The following DNER variants were observed in gnomAD, a reference collection of about 807,000 sequenced individuals.
The protein encoded by DNER is delta and Notch-like epidermal growth factor-related receptor.
In DNER, 33 loss-of-function variants were observed where a neutral mutation model predicts 78.2. That is an observed-to-expected ratio of 0.42 (90% CI 0.32 to 0.56). The LOEUF (loss-of-function observed/expected upper bound fraction) is 0.56, where lower values mean the gene tolerates loss of function less well. Ranked by LOEUF, DNER falls within the 20% of genes least tolerant of loss-of-function variation. DNER has a pLI of 0.11. For missense variants in DNER, 918 were observed against 975.3 expected, an observed-to-expected ratio of 0.94 and a Z score of 0.78; for synonymous variants, 417 against 384.8, an observed-to-expected ratio of 1.08 and a Z score of -0.98.
chr2:229,363,095 C>T (rs1692252076), intron 12 of DNER, among the ~76,000 whole-genome samples: 1 of 152,174 alleles, frequency 6.6e-6, no homozygotes, highest in Non-Finnish European at 1.5e-5. Context: ...TGGCTTTGCT[C>T]CTGCTGGTCA....
rs181768070 is a variant in DNER, at chr2:229,647,039, C to T, written c.277-55151G>A. 1.9e-4 allele frequency among the ~76,000 whole-genome samples: 29 copies of T among 152,260 alleles called. No homozygotes were observed. The East Asian group carries it at 4.4e-3, about 23-fold the overall frequency. ...AAACTTAGCTGGGCATGGTGGCACA[C>T]GCCCGTAGTCCCAGCTACTTGGGAG... On this transcript the variant is annotated intron_variant, in intron 1 of 12. Transcript: ENST00000341772.
At chr2:229,434,830 C>T (rs915601838) in intron 8 of DNER, among the ~76,000 whole-genome samples, 2 of 151,882 alleles carry the variant, frequency 1.3e-5, no homozygotes, top group African/African-American at 2.4e-5. Flanking sequence ...CTCACCATTT[C>T]TTTTCAAGCA....
intron 4 of DNER, among the ~76,000 whole-genome samples, chr2:229,564,116 T>C (rs1219823957): frequency 8.1e-6 from 1 of 122,926 alleles, no homozygotes; most frequent in Non-Finnish European, 1.7e-5. Context: ...CATCACCCCA[T>C]CACCATCATC....
chr2:229,455,304 T>C (rs6749425), intron 7 of DNER, among the ~76,000 whole-genome samples: 38,766 of 151,988 alleles, frequency 0.26, 5,450 homozygotes, highest in East Asian at 0.35. Context: ...TTAATCATTT[T>C]TTCTCTAATT....
intron 1 of DNER, among the ~76,000 whole-genome samples, chr2:229,677,498 G>A (rs1273037034): frequency 6.6e-6 from 1 of 152,200 alleles, no homozygotes; most frequent in Non-Finnish European, 1.5e-5. Flanking sequence ...AAGAGGGAAG[G>A]AGTAGAAGCC....
At chr2:229,477,813 T>G (rs968834485) in intron 6 of DNER, among the ~76,000 whole-genome samples, 3 of 152,328 alleles carry the variant, frequency 2.0e-5, no homozygotes, top group Non-Finnish European at 1.5e-5. Flanking sequence ...AGCACATTAA[T>G]ATATTTTTAT....
intron 4 of DNER, among the ~76,000 whole-genome samples, chr2:229,569,241 G>A (rs911377721): frequency 6.6e-6 from 1 of 152,204 alleles, no homozygotes; most frequent in Non-Finnish European, 1.5e-5. Context: ...CCCTTACATA[G>A]GCTGAGCGCA....
In DNER at chr2:229,591,915, T is replaced by A; in HGVS notation, c.277-27A>T. The A allele has an allele frequency of 6.8e-7, 1 of 1,480,238 alleles. No homozygotes were observed. The highest frequency in any genetic ancestry group is 8.9e-7 in the Non-Finnish European group (1 of 1,118,372). The allele number at this position is 1,480,238 out of a possible 1,614,324, so 91.7% of individuals were successfully genotyped here. ...TGAAACGAGACCATAAATGGGTCAATTATTCCCTCATAAGAAAAGTGGTGC... is the reference window on the plus strand; with the variant it reads ...TGAAACGAGACCATAAATGGGTCAAATATTCCCTCATAAGAAAAGTGGTGC... On this transcript the variant is annotated intron_variant, in intron 1 of 12. Transcript: ENST00000341772. The surrounding 1 kb of genome is among the most constrained non-coding windows in gnomAD (Gnocchi z 4.6).
rs1697608727 is a variant in DNER, at chr2:229,591,669, G to C, written c.496C>G (p.Leu166Val). 4 of 1,614,212 alleles carry C rather than the reference G, an allele frequency of 2.5e-6. No individual in the cohort carries two copies. The highest frequency in any genetic ancestry group is 3.4e-6 in the Non-Finnish European group (4 of 1,180,038). Residue 166 changes from leucine to valine, a missense_variant, in exon 2 of 13, where the codon CTG becomes GTG. By Grantham distance (32) the Leu-to-Val change is conservative. Coordinates refer to ENST00000341772, the MANE Select transcript of DNER (RefSeq NM_139072.4). This position sits in a 1 kb window ranked among gnomAD's most constrained non-coding sequence, Gnocchi z 4.6. ...VPATQEPDKILPRSQATVTLP... is the reference protein window; with the variant it reads ...VPATQEPDKIVPRSQATVTLP... ...GTCACCGTTGCCTGAGAGCGAGGCA[G>C]GATTTTGTCAGGCTCCTGAGTAGCA... is the stretch of plus-strand genomic sequence containing the variant.
intron 1 of DNER, among the ~76,000 whole-genome samples, chr2:229,665,992 C>G (rs1338505159): frequency 6.6e-6 from 1 of 152,102 alleles, no homozygotes; most frequent in Admixed American, 6.6e-5. Context: ...CACCTCTATC[C>G]AAAAATCTCA....
chr2:229,525,185 C>T (rs1696185642), intron 5 of DNER, among the ~76,000 whole-genome samples: 1 of 152,234 alleles, frequency 6.6e-6, no homozygotes, highest in African/African-American at 2.4e-5. Flanking sequence ...TTCTTCTGTG[C>T]ATGTATAACT....
chr2:229,389,862 A>G (rs1335759366), intron 10 of DNER, among the ~76,000 whole-genome samples: 1 of 152,256 alleles, frequency 6.6e-6, no homozygotes. Flanking sequence ...ATTATAATTC[A>G]GTAATATATA....
intron 1 of DNER, among the ~76,000 whole-genome samples, chr2:229,674,812 T>C (rs1699274836): frequency 6.6e-6 from 1 of 152,168 alleles, no homozygotes. Context: ...GCCAAATATT[T>C]CTCAGGAAAC....
At chr2:229,650,201 G>A (rs1698791708) in intron 1 of DNER, among the ~76,000 whole-genome samples, 1 of 152,034 alleles carries the variant, frequency 6.6e-6, no homozygotes, top group Non-Finnish European at 1.5e-5. Context: ...AATTTCATCA[G>A]CTGGAGATTC....
chr2:229,413,551 G>T (rs1265323709), intron 9 of DNER, among the ~76,000 whole-genome samples: 1 of 151,196 alleles, frequency 6.6e-6, no homozygotes, highest in African/African-American at 2.4e-5. Context: ...TCGAACTCCT[G>T]ACCTCATTAT....
chr2:229,558,357 C>G (rs1008494409), intron 4 of DNER, among the ~76,000 whole-genome samples: 4 of 152,092 alleles, frequency 2.6e-5, no homozygotes, highest in African/African-American at 9.7e-5. Flanking sequence ...AACAAACATG[C>G]ACTTGTACCC....
chr2:229,381,715 A>G (rs185561020), intron 11 of DNER, among the ~76,000 whole-genome samples: 14 of 152,334 alleles, frequency 9.2e-5, no homozygotes, highest in Non-Finnish European at 1.3e-4. Context: ...CTATAACCAG[A>G]CAGCCTCTCT....
intron 1 of DNER, among the ~76,000 whole-genome samples, chr2:229,643,815 C>G (rs1363289895): frequency 2.6e-5 from 4 of 152,212 alleles, no homozygotes; most frequent in African/African-American, 9.6e-5. Flanking sequence ...GTATCATTTT[C>G]TTTCCTTGTT....
chr2:229,662,988 T>A (rs143288737), intron 1 of DNER, among the ~76,000 whole-genome samples: 34 of 152,308 alleles, frequency 2.2e-4, no homozygotes, highest in African/African-American at 7.9e-4. Flanking sequence ...TAAGATCTCC[T>A]CCTATTCTAA....
Sources: allele counts gnomAD v4.1 joint callset (sites outside exome capture counted in the v4.1 genomes callset), GRCh38; gene constraint gnomAD v4.1.1; non-coding constraint Gnocchi (gnomAD v3.1); transcripts MANE v1.5; gene names NCBI Gene and HGNC (gene_info 2026-07-23, HGNC 2026-07-21).